The following RTN4IP1 variants were observed in gnomAD, a reference collection of about 807,000 sequenced individuals.
RTN4IP1 encodes reticulon 4 interacting protein 1, also known as NAD(P)H oxidoreductase RTN4IP1, mitochondrial.
In RTN4IP1, 32 loss-of-function variants were observed where a neutral mutation model predicts 46.6. The observed-to-expected ratio is 0.69, with a 90% CI of 0.52 to 0.92. The LOEUF is 0.92. RTN4IP1 is among the 40% of genes least tolerant of loss of function. The pLI, the probability that RTN4IP1 is intolerant of heterozygous loss-of-function variation, is 0.00. For missense variants in RTN4IP1, 424 were observed against 485.8 expected (o/e 0.87, Z 1.20); for synonymous variants, 167 against 161.8 (o/e 1.03, Z -0.24).
At position 106,592,291 on chromosome 6, in the gene RTN4IP1, C is replaced by G. The variant is rs1266310687; in HGVS notation, c.679G>C (p.Ala227Pro). The change falls in exon 6 of 9, where the codon GCA becomes CCA. Residue 227 changes from alanine (A) to proline (P), a missense_variant. By Grantham distance (27) the Ala-to-Pro change is conservative. Transcript: ENST00000369063. ...ACTGCTGTCACATGAGCATCCCATGCTTTCATTACCTGCCCCCCACCAAAA... is the reference window on the plus strand; with the variant it reads ...ACTGCTGTCACATGAGCATCCCATGGTTTCATTACCTGCCCCCCACCAAAA... ...VGTFAIQVMK[A>P]WDAHVTAVCS... 1.8e-5 allele frequency: 29 copies of G among 1,612,628 alleles called. No individual in the cohort carries two copies. Among genetic ancestry groups the G allele is most frequent in the Non-Finnish European group, 2.1e-5 (25 of 1,179,730 alleles).
intron 5 of RTN4IP1, among the ~76,000 whole-genome samples, chr6:106,593,787 T>C (rs1374476091): frequency 6.6e-6 from 1 of 152,206 alleles, no homozygotes; most frequent in Non-Finnish European, 1.5e-5. Flanking sequence ...TTAGGAGTGA[T>C]ATGATATACA....
intron 4 of RTN4IP1, among the ~76,000 whole-genome samples, 177 bp from the exon 5 acceptor site, chr6:106,603,099 C>A (rs1296435592): frequency 6.6e-6 from 1 of 152,166 alleles, no homozygotes; most frequent in African/African-American, 2.4e-5. Flanking sequence ...CACCAAGAAA[C>A]TGCAGTTGCT....
At chr6:106,627,147 A>AG (rs992615773) in intron 1 of RTN4IP1, among the ~76,000 whole-genome samples, 2 of 151,686 alleles carry the variant, frequency 1.3e-5, no homozygotes, top group African/African-American at 2.4e-5. Flanking sequence ...AGGAGAAAAA[A>AG]AAAAAGAGGA....
At chr6:106,611,435 G>T (rs1776222876) in intron 4 of RTN4IP1, among the ~76,000 whole-genome samples, 1 of 152,118 alleles carries the variant, frequency 6.6e-6, no homozygotes, top group Non-Finnish European at 1.5e-5. Flanking sequence ...AATGACTTAT[G>T]AACAAAGATG....
chr6:106,607,074 T>C (rs1776096396), intron 4 of RTN4IP1, among the ~76,000 whole-genome samples: 1 of 152,010 alleles, frequency 6.6e-6, no homozygotes, highest in African/African-American at 2.4e-5. Flanking sequence ...TGGAACAGAA[T>C]AAAGAACCCA....
At chr6:106,611,849 A>T (rs1776233213) in intron 4 of RTN4IP1, among the ~76,000 whole-genome samples, 1 of 152,222 alleles carries the variant, frequency 6.6e-6, no homozygotes, top group Non-Finnish European at 1.5e-5. Context: ...ACATTTTCCC[A>T]AGAAAACAAA....
chr6:106,586,401 G>A (rs533746069), intron 7 of RTN4IP1, among the ~76,000 whole-genome samples: 4 of 151,684 alleles, frequency 2.6e-5, no homozygotes, highest in East Asian at 3.9e-4. Context: ...TTGAGACAAC[G>A]TCTTCCTCTG....
intron 6 of RTN4IP1, among the ~76,000 whole-genome samples, chr6:106,589,165 AGGC>A (rs1775560624): frequency 6.4e-5 from 3 of 46,776 alleles, no homozygotes; most frequent in Non-Finnish European, 8.9e-5. Context: ...AAGGAGGAGG[AGGC>A]GGTGGAGGAG....
chr6:106,598,024 C>T (rs1775844067), intron 5 of RTN4IP1, among the ~76,000 whole-genome samples: 1 of 152,174 alleles, frequency 6.6e-6, no homozygotes, highest in Non-Finnish European at 1.5e-5. Context: ...AGGGCATGAA[C>T]TCATCATTTT....
intron 6 of RTN4IP1, among the ~76,000 whole-genome samples, chr6:106,591,098 ACTCAAATGTTGCTTC>A (rs1393155874): frequency 6.6e-6 from 1 of 152,224 alleles, no homozygotes; most frequent in Admixed American, 6.5e-5. Context: ...TAAAGCCTCC[ACTCAAATGTTGCTTC>A]CTCAGTGAGG....
Position 106,619,211 on chromosome 6 carries a change from G to A in RTN4IP1, c.611C>T (p.Thr204Ile). Residue 204 changes from threonine (T) to isoleucine (I), a missense_variant, in exon 4 of 9, where the codon ACA (threonine) becomes ATA (isoleucine). Coordinates refer to ENST00000369063, the MANE Select transcript of RTN4IP1 (RefSeq NM_032730.5). ...KVGGLNDKNCTGKRVLILGAS... is the reference protein window; with the variant it reads ...KVGGLNDKNCIGKRVLILGAS... The stretch of plus-strand genomic sequence containing the variant: ...TGACTGATACACTTACCGTTTTCCT[G>A]TGCAATTCTTGTCATTCAGGCCACC... 1 of 1,614,130 alleles carries A rather than the reference G, an allele frequency of 6.2e-7. No homozygotes were observed. Among genetic ancestry groups the A allele is most frequent in the Middle Eastern group, 1.6e-4 (1 of 6,062 alleles).
intron 8 of RTN4IP1, among the ~76,000 whole-genome samples, chr6:106,579,574 C>A (rs1410421313): frequency 1.3e-5 from 2 of 152,006 alleles, no homozygotes; most frequent in Non-Finnish European, 2.9e-5. Flanking sequence ...GGCAGGAAAC[C>A]AAAACATTTA....
chr6:106,593,446 C>T (rs1170102584), intron 5 of RTN4IP1, among the ~76,000 whole-genome samples: 1 of 152,060 alleles, frequency 6.6e-6, no homozygotes, highest in Non-Finnish European at 1.5e-5. Flanking sequence ...TGAGAATAGC[C>T]ACTTGAAGAT....
intron 4 of RTN4IP1, among the ~76,000 whole-genome samples, chr6:106,611,429 AC>A (rs1433803519): frequency 6.6e-6 from 1 of 152,210 alleles, no homozygotes; most frequent in Non-Finnish European, 1.5e-5. Flanking sequence ...AATCCTAATG[AC>A]TTATGAACAA....
intron 4 of RTN4IP1, among the ~76,000 whole-genome samples, 172 bp from the exon 5 acceptor site, chr6:106,603,094 AG>A (rs2114656046): frequency 6.6e-6 from 1 of 152,368 alleles, no homozygotes; most frequent in Non-Finnish European, 1.5e-5. Context: ...AGGTTCACCA[AG>A]AAACTGCAGT....
intron 2 of RTN4IP1, among the ~76,000 whole-genome samples, chr6:106,621,735 C>T (rs563706128): frequency 3.3e-5 from 5 of 152,290 alleles, no homozygotes; most frequent in East Asian, 3.9e-4. Flanking sequence ...CTGACTACTT[C>T]GAGTCCCAAT....
At chr6:106,579,525 C>T (rs1775307404) in intron 8 of RTN4IP1, among the ~76,000 whole-genome samples, 1 of 152,138 alleles carries the variant, frequency 6.6e-6, no homozygotes, top group African/African-American at 2.4e-5. Flanking sequence ...ATTTCAGCTC[C>T]TCTTCACTTT....
At chr6:106,593,665 T>G (rs1283950413) in intron 5 of RTN4IP1, among the ~76,000 whole-genome samples, 2 of 152,236 alleles carry the variant, frequency 1.3e-5, no homozygotes, top group African/African-American at 4.8e-5. Flanking sequence ...AAATACAAAA[T>G]GTAAATAAAG....
At chr6:106,575,929 G>C (rs1477526254) in intron 8 of RTN4IP1, among the ~76,000 whole-genome samples, 2 of 152,130 alleles carry the variant, frequency 1.3e-5, no homozygotes, top group African/African-American at 4.8e-5. Flanking sequence ...CAGAGGGTGA[G>C]GTGTGTGAGG....
Sources: allele counts gnomAD v4.1 joint callset (sites outside exome capture counted in the v4.1 genomes callset), GRCh38; gene constraint gnomAD v4.1.1; transcripts MANE v1.5; gene names NCBI Gene and HGNC (gene_info 2026-07-23, HGNC 2026-07-21).